The following LRRC7 variants were observed in gnomAD, a reference collection of about 807,000 sequenced individuals.
LRRC7 encodes the protein leucine-rich repeat-containing protein 7.
LRRC7 carries 23 observed loss-of-function variants against 175.7 expected under a neutral mutation model. The ratio of observed to expected loss-of-function variants is 0.13; its 90% CI spans 0.09 to 0.19. The LOEUF is 0.19. Among genes scored for constraint, LRRC7 ranks in the 10% least tolerant of loss-of-function variants. LRRC7 has a pLI of 1.00. For synonymous variants in LRRC7, 685 were observed against 680.9 expected (o/e 1.01, Z -0.09); for missense variants, 1,354 against 1,904.7 (o/e 0.71, Z 5.38).
At chr1:70,076,399 C>T in intron 24 of LRRC7, 101 bp downstream of exon 24, 1 of 1,017,052 alleles carries the variant, frequency 9.8e-7, no homozygotes, top group East Asian at 2.6e-5. Context: ...GACACAATGC[C>T]ATCACCATGT....
chr1:69,594,707 T>C (rs1646769641), intron 1 of LRRC7, among the ~76,000 whole-genome samples: 1 of 152,166 alleles, frequency 6.6e-6, no homozygotes, highest in South Asian at 2.1e-4. Flanking sequence ...GCTGAAATAT[T>C]CCAGTTGCAT....
chr1:69,690,909 T>C (rs1280833169), intron 2 of LRRC7, among the ~76,000 whole-genome samples: 1 of 152,208 alleles, frequency 6.6e-6, no homozygotes, highest in African/African-American at 2.4e-5. Context: ...CATTCTTTGG[T>C]GACTCAGCTT....
intron 1 of LRRC7, among the ~76,000 whole-genome samples, chr1:69,660,785 T>C (rs1460694944): frequency 6.6e-6 from 1 of 152,010 alleles, no homozygotes; most frequent in Non-Finnish European, 1.5e-5. Context: ...TGTCTTTTGC[T>C]CTGTGTGAAA....
intron 4 of LRRC7, among the ~76,000 whole-genome samples, chr1:69,799,272 T>C (rs572703485): frequency 1.3e-5 from 2 of 152,214 alleles, no homozygotes; most frequent in South Asian, 4.1e-4. Flanking sequence ...CAATGCATAG[T>C]GGTAAATTCT....
intron 4 of LRRC7, among the ~76,000 whole-genome samples, chr1:69,821,471 G>C (rs1679290303): frequency 6.6e-6 from 1 of 151,588 alleles, no homozygotes; most frequent in Non-Finnish European, 1.5e-5. Context: ...TTCTTGTTTT[G>C]TTCATTGTTT....
intron 8 of LRRC7, among the ~76,000 whole-genome samples, chr1:69,961,157 C>T (rs1238065991): frequency 6.6e-6 from 1 of 152,064 alleles, no homozygotes; most frequent in Admixed American, 6.6e-5. Flanking sequence ...AATCAATATG[C>T]AAAAATCACT....
chr1:69,861,520 A>G (rs1043029351), intron 7 of LRRC7, among the ~76,000 whole-genome samples: 2 of 152,208 alleles, frequency 1.3e-5, no homozygotes, highest in Non-Finnish European at 2.9e-5. Context: ...GAACATGACA[A>G]GCAATTTAAC....
At chr1:69,790,259 T>C (rs1311428883) in intron 3 of LRRC7, among the ~76,000 whole-genome samples, 1 of 151,992 alleles carries the variant, frequency 6.6e-6, no homozygotes, top group African/African-American at 2.4e-5. Context: ...TGGGTGAAGG[T>C]TGAACACACT....
chr1:70,058,069 G>GT (rs1441940772), intron 23 of LRRC7, among the ~76,000 whole-genome samples: 3 of 150,878 alleles, frequency 2.0e-5, no homozygotes, highest in Non-Finnish European at 4.4e-5. Flanking sequence ...GAGTGCAATG[G>GT]TGTGATCTCG....
intron 3 of LRRC7, among the ~76,000 whole-genome samples, chr1:69,791,458 T>TGG (rs987778705): frequency 2.0e-5 from 3 of 152,010 alleles, no homozygotes; most frequent in African/African-American, 7.2e-5. Flanking sequence ...TTTGGACTGA[T>TGG]GGCAGAAATG....
intron 7 of LRRC7, among the ~76,000 whole-genome samples, chr1:69,846,350 G>T (rs1682366080): frequency 6.6e-6 from 1 of 152,070 alleles, no homozygotes; most frequent in African/African-American, 2.4e-5. Context: ...GCTTGGAAGA[G>T]GTCACAAAAA....
intron 1 of LRRC7, among the ~76,000 whole-genome samples, chr1:69,580,888 A>T (rs181830807): frequency 1.4e-4 from 22 of 152,338 alleles, no homozygotes; most frequent in South Asian, 6.2e-4. Flanking sequence ...AGTTCTGAGA[A>T]GAAGTAGCAT....
intron 4 of LRRC7, among the ~76,000 whole-genome samples, chr1:69,795,290 G>C (rs926116491): frequency 6.6e-6 from 1 of 151,502 alleles, no homozygotes; most frequent in Admixed American, 6.6e-5. Flanking sequence ...TGAGGCAGGA[G>C]AATTGCTTGA....
intron 3 of LRRC7, among the ~76,000 whole-genome samples, chr1:69,781,858 A>AGG (rs1673738742): frequency 1.8e-5 from 2 of 110,122 alleles, no homozygotes; most frequent in South Asian, 2.8e-4. Context: ...AGAGAAAGAA[A>AGG]GAGAAGGAAG....
At chr1:69,857,728 A>G (rs1055495429) in intron 7 of LRRC7, among the ~76,000 whole-genome samples, 5 of 152,174 alleles carry the variant, frequency 3.3e-5, no homozygotes, top group African/African-American at 4.8e-5. Context: ...TCAAGCTACC[A>G]ATGACTTTGT....
At chr1:69,990,728 G>A (rs1017326603) in intron 10 of LRRC7, among the ~76,000 whole-genome samples, 4 of 151,730 alleles carry the variant, frequency 2.6e-5, no homozygotes, top group Non-Finnish European at 2.9e-5. Context: ...ATATTCATAC[G>A]GTGGAAGAAA....
At chr1:69,573,253 T>C (rs1473816277) in intron 1 of LRRC7, among the ~76,000 whole-genome samples, 2 of 152,160 alleles carry the variant, frequency 1.3e-5, no homozygotes. Flanking sequence ...ATTTGGCCCC[T>C]GTTCATTTTT....
intron 23 of LRRC7, among the ~76,000 whole-genome samples, chr1:70,070,773 A>G (rs1662321884): frequency 6.6e-6 from 1 of 152,146 alleles, no homozygotes; most frequent in South Asian, 2.1e-4. Flanking sequence ...CATCATTACC[A>G]CTGGATGATG....
At chr1:69,587,677 C>T (rs186998560) in intron 1 of LRRC7, among the ~76,000 whole-genome samples, 2 of 152,056 alleles carry the variant, frequency 1.3e-5, no homozygotes, top group Admixed American at 6.6e-5. Context: ...GTTTCCCCCA[C>T]GCTGTTCTTG....
Sources: gnomAD v4.1 joint callset for allele counts (sites outside exome capture counted in the v4.1 genomes callset) on GRCh38, gnomAD v4.1.1 for gene constraint, MANE v1.5 for transcripts, NCBI Gene and HGNC (gene_info 2026-07-23, HGNC 2026-07-21) for gene names.